PRKG1: variants seen among roughly 807,000 people sequenced by gnomAD.
PRKG1 encodes the protein protein kinase cGMP-dependent 1.
In PRKG1, 35 loss-of-function variants were observed where a neutral mutation model predicts 88.1. The ratio of observed to expected loss-of-function variants is 0.40; its 90% confidence interval spans 0.30 to 0.53. The LOEUF (loss-of-function observed/expected upper bound fraction) is 0.53, where lower values mean the gene tolerates loss of function less well. Ranked by LOEUF, PRKG1 falls within the 20% of genes least tolerant of loss-of-function variation. The pLI, the probability that PRKG1 is intolerant of heterozygous loss-of-function variation, is 0.59. For missense variants in PRKG1, 540 were observed against 839.8 expected, an observed-to-expected ratio of 0.64 and a Z score of 4.41; for synonymous variants, 303 against 292.5, an observed-to-expected ratio of 1.04 and a Z score of -0.37.
At chr10:52,166,835 ATATG>A (rs1311339062) in intron 9 of PRKG1, among the ~76,000 whole-genome samples, 66 of 2,086 alleles carry the variant, frequency 0.032, 3 homozygotes, top group Admixed American at 0.12. Flanking sequence ...ATATGTATAT[ATATG>A]TATATATATG....
At chr10:52,210,643 CAAAG>C (rs933728800) in intron 9 of PRKG1, among the ~76,000 whole-genome samples, 18 of 152,000 alleles carry the variant, frequency 1.2e-4, no homozygotes, top group Non-Finnish European at 2.1e-4. Context: ...TGGAATAAAA[CAAAG>C]AAAAATGAAA....
At chr10:52,083,237 C>T (rs929356474) in intron 7 of PRKG1, among the ~76,000 whole-genome samples, 1 of 151,958 alleles carries the variant, frequency 6.6e-6, no homozygotes, top group Admixed American at 6.6e-5. Context: ...CCAGGTACAA[C>T]ATCGTTCTTT....
rs751832365 is a variant in PRKG1, at chr10:52,133,790, G to A, written c.936-50G>A. 4 of 1,468,118 alleles carry A rather than the reference G, an allele frequency of 2.7e-6. No individual in the cohort carries two copies. In the African/African-American group the frequency reaches 5.6e-5, roughly 20 times the overall value. The allele number at this position is 1,468,118 out of a possible 1,614,324, so 90.9% of individuals were successfully genotyped here. A position where few individuals can be genotyped will look rare whatever the true frequency, so the allele number is the denominator to read the frequency against. On this transcript the variant is annotated intron_variant, in intron 7 of 17. Transcript: ENST00000373980. ...CTGAATTAATCACAATGGACACTGTGCTTTGATATTAAAGGTTATTTTATT... is the reference window on the plus strand; with the variant it reads ...CTGAATTAATCACAATGGACACTGTACTTTGATATTAAAGGTTATTTTATT...
At chr10:51,185,859 A>G (rs1196620052) in intron 2 of PRKG1, among the ~76,000 whole-genome samples, 2 of 151,760 alleles carry the variant, frequency 1.3e-5, no homozygotes, top group South Asian at 2.1e-4. Context: ...TGCAGTGAAT[A>G]CTTCTTATAC....
intron 1 of PRKG1, among the ~76,000 whole-genome samples, chr10:51,096,518 A>G (rs1844534823): frequency 6.6e-6 from 1 of 151,970 alleles, no homozygotes; most frequent in Non-Finnish European, 1.5e-5. Flanking sequence ...ACCTCTCTAC[A>G]CCTTGGATTT....
intron 7 of PRKG1, among the ~76,000 whole-genome samples, chr10:52,132,468 C>T (rs934653519): frequency 3.9e-5 from 6 of 152,000 alleles, no homozygotes; most frequent in South Asian, 2.1e-4. Context: ...GTAATCTAAA[C>T]AGCATGGTAT....
intron 1 of PRKG1, among the ~76,000 whole-genome samples, chr10:51,041,412 G>A (rs374798440): frequency 6.6e-5 from 10 of 152,222 alleles, no homozygotes; most frequent in East Asian, 3.9e-4. Context: ...TAGCCACCAC[G>A]GCTGGGCATG....
At chr10:51,277,606 C>T (rs1439663986) in intron 2 of PRKG1, among the ~76,000 whole-genome samples, 1 of 152,136 alleles carries the variant, frequency 6.6e-6, no homozygotes, top group Non-Finnish European at 1.5e-5. Flanking sequence ...ATGGAATGTT[C>T]TTCCATTTGT....
chr10:51,495,558 T>G (rs973362292), intron 3 of PRKG1, among the ~76,000 whole-genome samples: 1 of 152,138 alleles, frequency 6.6e-6, no homozygotes, highest in African/African-American at 2.4e-5. Context: ...AAACAGCAAG[T>G]GGATGGGTCT....
At chr10:51,148,397 A>T in intron 1 of PRKG1, 1 of 367,582 alleles carries the variant, frequency 2.7e-6, no homozygotes, top group Middle Eastern at 1.4e-3. Context: ...ACATTTTCAG[A>T]TTGCTTTCGC....
intron 3 of PRKG1, among the ~76,000 whole-genome samples, chr10:51,618,935 A>ATTTTTTTTTT (rs3086927): frequency 8.1e-6 from 1 of 123,576 alleles, no homozygotes. Context: ...CACCCAGCTA[A>ATTTTTTTTTT]TTTTTTTTTT....
intron 2 of PRKG1, among the ~76,000 whole-genome samples, chr10:51,414,209 G>T (rs1242423505): frequency 1.3e-5 from 2 of 152,144 alleles, no homozygotes; most frequent in Admixed American, 1.3e-4. Context: ...CATATTCATT[G>T]TTTTCCTTCT....
At chr10:51,271,331 T>C (rs561505631) in intron 2 of PRKG1, among the ~76,000 whole-genome samples, 11 of 152,290 alleles carry the variant, frequency 7.2e-5, no homozygotes, top group African/African-American at 2.6e-4. Context: ...AGTGTTTAGT[T>C]CCATCTGTTT....
chr10:52,174,007 T>C (rs1418461388), intron 9 of PRKG1, among the ~76,000 whole-genome samples: 1 of 152,150 alleles, frequency 6.6e-6, no homozygotes, highest in East Asian at 1.9e-4. Context: ...ATGCCTGTGA[T>C]GCTAGTAAAA....
intron 3 of PRKG1, among the ~76,000 whole-genome samples, chr10:51,472,482 G>C (rs1323670337): frequency 6.6e-6 from 1 of 151,794 alleles, no homozygotes; most frequent in Non-Finnish European, 1.5e-5. Context: ...TCCACACTAT[G>C]CTTTTTATTG....
intron 1 of PRKG1, among the ~76,000 whole-genome samples, chr10:51,095,484 T>G (rs1156618914): frequency 1.3e-5 from 2 of 152,176 alleles, no homozygotes; most frequent in Middle Eastern, 6.3e-3. Context: ...TTAGTTGCCT[T>G]GAAGAGTAAA....
At chr10:51,957,453 GGC>G (rs1341612633) in intron 5 of PRKG1, among the ~76,000 whole-genome samples, 1 of 151,310 alleles carries the variant, frequency 6.6e-6, no homozygotes, top group Non-Finnish European at 1.5e-5. Flanking sequence ...CACCATGCAC[GGC>G]TAATTTTTTA....
chr10:52,161,885 A>G lies in PRKG1; in HGVS notation c.1002-4A>G. 2 of 1,612,084 alleles carry G rather than the reference A, an allele frequency of 1.2e-6. No homozygotes were observed. Among genetic ancestry groups the G allele is most frequent in the Non-Finnish European group, 1.7e-6 (2 of 1,179,040 alleles). On this transcript the variant is annotated splice_region_variant and splice_polypyrimidine_tract_variant and intron_variant, in intron 8 of 17. Transcript: ENST00000373980. ...TTAATCACTGTGCTTTTTTCGTCTG[A>G]CAGCTCTTTTAAACATTTGATTGGA...
chr10:51,154,766 C>T (rs1022797629), intron 2 of PRKG1, among the ~76,000 whole-genome samples: 1 of 151,862 alleles, frequency 6.6e-6, no homozygotes, highest in African/African-American at 2.4e-5. Context: ...TTCATTTAGA[C>T]TTTCTTCTGG....
Sources: gnomAD v4.1 joint callset for allele counts (sites outside exome capture counted in the v4.1 genomes callset) on GRCh38, gnomAD v4.1.1 for gene constraint, MANE v1.5 for transcripts, NCBI Gene and HGNC (gene_info 2026-07-23, HGNC 2026-07-21) for gene names.